The following CDH17 variants were observed in gnomAD, a reference collection of about 807,000 sequenced individuals.
CDH17 encodes cadherin 17, also known as cadherin-17.
Under a neutral mutation model 86.3 loss-of-function variants are expected in CDH17, and 67 were observed. The observed-to-expected ratio is 0.78, with a 90% CI of 0.64 to 0.95. The LOEUF (loss-of-function observed/expected upper bound fraction) is 0.95, where lower values mean the gene tolerates loss of function less well. Among genes scored for constraint, CDH17 ranks in the 40% least tolerant of loss-of-function variants. The pLI is 0.00. For missense variants in CDH17, 993 were observed against 1,017.6 expected (o/e 0.98, Z 0.33); for synonymous variants, 367 against 366.4 (o/e 1.00, Z -0.02).
At chr8:94,136,986 A>G (rs1487170068) in intron 15 of CDH17, among the ~76,000 whole-genome samples, 2 of 152,164 alleles carry the variant, frequency 1.3e-5, no homozygotes, top group African/African-American at 4.8e-5. Flanking sequence ...AACAGCAAAT[A>G]TTGCTGCCTG....
chr8:94,142,675 C>A (rs551773404), intron 15 of CDH17, among the ~76,000 whole-genome samples: 14 of 151,704 alleles, frequency 9.2e-5, no homozygotes, highest in African/African-American at 3.4e-4. Context: ...ATGGAATATT[C>A]TAAATCCTTG....
upstream of CDH17, among the ~76,000 whole-genome samples, chr8:94,210,226 TAAAAAAAAAAAAAAA>T (rs71567010): frequency 3.7e-5 from 2 of 53,458 alleles, no homozygotes; most frequent in African/African-American, 1.4e-4. Context: ...TTTATGCGAG[TAAAAAAAAAAAAAAA>T]AAAAAAAAAA....
chr8:94,205,052 A>C (rs1462012784), intron 1 of CDH17, among the ~76,000 whole-genome samples: 3 of 152,212 alleles, frequency 2.0e-5, no homozygotes, highest in Admixed American at 6.5e-5. Flanking sequence ...TAGTGTTCCA[A>C]TAATGGAACA....
chr8:94,201,612 G>A (rs982266366), intron 1 of CDH17, among the ~76,000 whole-genome samples: 3 of 152,188 alleles, frequency 2.0e-5, no homozygotes, highest in Non-Finnish European at 2.9e-5. Context: ...TGGACTTCTG[G>A]TCACCAGAAC....
In CDH17 at chr8:94,161,319, A is replaced by C. The variant is rs75322448; in HGVS notation, c.1359+767T>G. Among the ~76,000 whole-genome samples the C allele has an allele frequency of 6.1e-3, 934 of 152,266 alleles. 8 individuals are homozygous for C. Among genetic ancestry groups the C allele is most frequent in the African/African-American group, 0.021 (858 of 41,544 alleles). On this transcript the variant is annotated intron_variant, in intron 11 of 17. Coordinates refer to ENST00000027335, the MANE Select transcript of CDH17 (RefSeq NM_004063.4). ...CCCACCCCTAGCCCCCTCATAAATC[A>C]ATTCCCTTCTTTGTTGCAGGCTTGT...
intron 7 of CDH17, among the ~76,000 whole-genome samples, chr8:94,172,747 G>C (rs967958775): frequency 6.6e-6 from 1 of 152,120 alleles, no homozygotes; most frequent in Non-Finnish European, 1.5e-5. Flanking sequence ...ATCAAATCTG[G>C]GTGGAGTCCA....
rs1563560736 is a variant in CDH17, at chr8:94,128,137, C to CTGTT, written c.*99_*102dup. On this transcript the variant is annotated 3_prime_UTR_variant, in exon 18 of 18. Transcript: ENST00000027335. ...AATATTAAAGGACAAGAGGGAATATCTGTTTAAAAAATTATAATGCACGTT... is the reference window on the plus strand; with the variant it reads ...AATATTAAAGGACAAGAGGGAATATCTGTTTGTTTAAAAAATTATAATGCACGTT... 2.7e-6 allele frequency: 2 copies of CTGTT among 739,822 alleles called. No homozygotes were observed. The highest frequency in any genetic ancestry group is 4.7e-5 in the Admixed American group (2 of 42,632). 45.8% of individuals were successfully genotyped at this position (739,822 alleles called of 1,614,324 possible).
rs369245034 is a variant in CDH17, at chr8:94,174,117, A to T, written c.568T>A (p.Ser190Thr). Residue 190 changes from serine to threonine, a missense_variant, in exon 6 of 18, where the codon TCT becomes ACT. Ser to Thr is a moderately conservative substitution (Grantham distance 58). Coordinates refer to ENST00000027335, the MANE Select transcript of CDH17 (RefSeq NM_004063.4). ...FQINNKTGAI[S>T]LTREGSQELN... ...CTGAACTTACCCTCTCGGGTAAGAG[A>T]GATGGCTCCCGTTTTGTTGTTGATC... 20 of 1,613,566 alleles carry T rather than the reference A, an allele frequency of 1.2e-5. No homozygotes were observed. In the African/African-American group the frequency reaches 2.5e-4, roughly 20 times the overall value.
intron 15 of CDH17, 50 bp from the exon 16 acceptor site, chr8:94,131,042 A>G: frequency 1.0e-6 from 1 of 961,496 alleles, no homozygotes; most frequent in Non-Finnish European, 1.7e-6. Context: ...ACCCTGGATT[A>G]GCAGGAATAA....
At chr8:94,196,918 A>G (rs1813795824) in intron 1 of CDH17, among the ~76,000 whole-genome samples, 1 of 152,146 alleles carries the variant, frequency 6.6e-6, no homozygotes, top group Admixed American at 6.5e-5. Flanking sequence ...CTGCATAATA[A>G]AAGATTAGGC....
chr8:94,176,456 C>CTGCAGCTA (rs1813375564), intron 5 of CDH17, 85 bp downstream of exon 5: 1 of 1,413,260 alleles, frequency 7.1e-7, no homozygotes, highest in African/African-American at 1.4e-5. Context: ...TGAGTGACAG[C>CTGCAGCTA]TGCAGCTATT....
intron 10 of CDH17, among the ~76,000 whole-genome samples, chr8:94,165,372 A>G (rs1813132045): frequency 1.3e-5 from 2 of 152,142 alleles, no homozygotes; most frequent in African/African-American, 2.4e-5. Flanking sequence ...AGTCTAGGAC[A>G]TTCCCACCAG....
intron 2 of CDH17, among the ~76,000 whole-genome samples, chr8:94,190,848 C>G (rs1813674493): frequency 6.6e-6 from 1 of 152,202 alleles, no homozygotes; most frequent in African/African-American, 2.4e-5. Flanking sequence ...TATGCTAGAT[C>G]CCTCAGTCTG....
chr8:94,136,433 G>A (rs1032736947), intron 15 of CDH17, among the ~76,000 whole-genome samples: 1 of 152,060 alleles, frequency 6.6e-6, no homozygotes, highest in African/African-American at 2.4e-5. Flanking sequence ...GATTGAATCA[G>A]CTACTGAAGC....
intron 3 of CDH17, among the ~76,000 whole-genome samples, chr8:94,180,942 C>T (rs9771512): frequency 0.035 from 4,451 of 128,580 alleles, 218 homozygotes; most frequent in African/African-American, 0.12. Flanking sequence ...AACAAACAAA[C>T]CAAAAAAAAA....
chr8:94,213,608 A>G, intron 1 of CDH17, among the ~76,000 whole-genome samples: 1 of 152,060 alleles, frequency 6.6e-6, no homozygotes, highest in Non-Finnish European at 1.5e-5. Flanking sequence ...TCTGAGACCT[A>G]TCTCTGTCTC....
chr8:94,199,269 T>C (rs1307829332), intron 1 of CDH17, among the ~76,000 whole-genome samples: 1 of 151,804 alleles, frequency 6.6e-6, no homozygotes, highest in Non-Finnish European at 1.5e-5. Context: ...ATCTTATTAA[T>C]TTGTTCTCAC....
At chr8:94,210,226 T>TAAAAAAAAAAAAAAAAAA (rs71567010), upstream of CDH17, among the ~76,000 whole-genome samples, 1 of 53,458 alleles carries the variant, frequency 1.9e-5, no homozygotes, top group African/African-American at 7.0e-5. Flanking sequence ...TTTATGCGAG[T>TAAAAAAAAAAAAAAAAAA]AAAAAAAAAA....
intron 7 of CDH17, among the ~76,000 whole-genome samples, chr8:94,172,763 A>G (rs1033720004): frequency 6.6e-6 from 1 of 152,112 alleles, no homozygotes; most frequent in African/African-American, 2.4e-5. Context: ...GTCCAGAGTG[A>G]ATTTCTAGGA....
Sources: allele counts gnomAD v4.1 joint callset (sites outside exome capture counted in the v4.1 genomes callset), GRCh38; gene constraint gnomAD v4.1.1; transcripts MANE v1.5; gene names NCBI Gene and HGNC (gene_info 2026-07-23, HGNC 2026-07-21).